The following DCAF1 variants were observed in gnomAD, a reference collection of about 807,000 sequenced individuals.
The protein encoded by DCAF1 is DDB1- and CUL4-associated factor 1.
Under a neutral mutation model 128.0 loss-of-function variants are expected in DCAF1, and 15 were observed. That is an observed-to-expected ratio of 0.12 (90% CI 0.08 to 0.18). DCAF1 has a LOEUF of 0.18. DCAF1 is among the 10% of genes least tolerant of loss of function. The pLI, the probability that DCAF1 is intolerant of heterozygous loss-of-function variation, is 1.00. For missense variants in DCAF1, 988 were observed against 1,649.5 expected, an observed-to-expected ratio of 0.60 and a Z score of 6.95; for synonymous variants, 610 against 603.0, an observed-to-expected ratio of 1.01 and a Z score of -0.17.
Position 51,418,667 on chromosome 3 carries a change from G to C in DCAF1, c.3435+11C>G. ...AGAATGACTGAGAGCATCCTAGGAA[G>C]GAACCCTTACCCTGGAAGGTTCAAG... On this transcript the variant is annotated intron_variant, in intron 16 of 24. Coordinates refer to ENST00000684031, the MANE Select transcript of DCAF1 (RefSeq NM_001387579.1). 3.1e-6 allele frequency: 5 copies of C among 1,602,796 alleles called. No homozygotes were observed. Among genetic ancestry groups the C allele is most frequent in the Non-Finnish European group, 4.3e-6 (5 of 1,174,368 alleles).
chr3:51,496,321 G>A (rs1553660942), intron 2 of DCAF1, among the ~76,000 whole-genome samples: 3 of 152,058 alleles, frequency 2.0e-5, no homozygotes, highest in Admixed American at 1.3e-4. Context: ...CAGCTGCTCC[G>A]GAGGCTGAGG....
Position 51,420,734 on chromosome 3 carries a change from T to C in DCAF1, c.2236A>G (p.Met746Val). 1 of 1,614,056 alleles carries C rather than the reference T, an allele frequency of 6.2e-7. No homozygotes were observed. The highest frequency in any genetic ancestry group is 8.5e-7 in the Non-Finnish European group (1 of 1,179,906). ...ATTTGGTCTGCATCTGTGATGGGCA[T>C]CTTAATGGACAGTAAGGACAGGAGC... Reference protein sequence around the residue: ...KVLLSLLSIKMPITDADQIRA... With the variant: ...KVLLSLLSIKVPITDADQIRA... Residue 746 changes from methionine to valine, a missense_variant, in exon 15 of 25, where the codon ATG (methionine) becomes GTG (valine). By Grantham distance (21) the Met-to-Val change is conservative. Around this residue, in one of 11 missense-constraint regions of DCAF1, gnomAD observed 76 missense variants for 186.9 expected, o/e 0.41. Transcript: ENST00000684031. The surrounding 1 kb of genome is among the most constrained non-coding windows in gnomAD (Gnocchi z 6.5).
intron 4 of DCAF1, among the ~76,000 whole-genome samples, chr3:51,468,042 C>G (rs1704323191): frequency 6.6e-6 from 1 of 152,144 alleles, no homozygotes; most frequent in African/African-American, 2.4e-5. Flanking sequence ...ATCACTAACC[C>G]TAAAGATACA....
intron 7 of DCAF1, among the ~76,000 whole-genome samples, chr3:51,443,105 G>A (rs564992917): frequency 2.0e-5 from 3 of 152,268 alleles, no homozygotes; most frequent in African/African-American, 4.8e-5. Flanking sequence ...GGAAAAAAAA[G>A]GGCAGATGGA....
At chr3:51,397,063 G>C (rs1032582783), downstream of DCAF1, 4 of 167,066 alleles carry the variant, frequency 2.4e-5, no homozygotes, top group African/African-American at 9.7e-5. Flanking sequence ...CCTGCCCCTG[G>C]AGAGTTTTAG....
At chr3:51,430,388 T>C (rs1334038153) in intron 10 of DCAF1, among the ~76,000 whole-genome samples, 176 bp from the exon 11 acceptor site, 1 of 152,202 alleles carries the variant, frequency 6.6e-6, no homozygotes, top group Non-Finnish European at 1.5e-5. Flanking sequence ...ACACGATCCA[T>C]TCCAAACCTG....
At position 51,467,538 on chromosome 3, in the gene DCAF1, T is replaced by C. The variant is rs559394297; in HGVS notation, c.188-662A>G. Among the ~76,000 whole-genome samples, 4 of 151,934 alleles carry C rather than the reference T, an allele frequency of 2.6e-5. No homozygotes were observed. The South Asian group carries it at 8.3e-4, about 32-fold the overall frequency. ...GGGAGAGGGACAGCATTAGGAGATA[T>C]ACCTAATGCAAATGACGAGTTAATG... is the stretch of plus-strand genomic sequence containing the variant. On this transcript the variant is annotated intron_variant, in intron 4 of 24. Transcript: ENST00000684031.
At position 51,422,403 on chromosome 3, in the gene DCAF1, C is replaced by T. The variant is rs1553632801; in HGVS notation, c.1876G>A (p.Val626Ile). The T allele has an allele frequency of 1.4e-6, 1 of 730,484 alleles. No homozygotes were observed. The allele number at this position is 730,484 out of a possible 1,614,324, so 45.3% of individuals were successfully genotyped here. ...GGCACCACAGTAAGAATAGCCAGGACATCCAAAGCAAAGCGCACAGTGTCA... is the reference window on the plus strand; with the variant it reads ...GGCACCACAGTAAGAATAGCCAGGATATCCAAAGCAAAGCGCACAGTGTCA... ...RNDTVRFALD[V>I]LAILTVVPKI... Residue 626 changes from valine (V) to isoleucine (I), a missense_variant, in exon 14 of 25, where the codon GTC (valine) becomes ATC (isoleucine). By Grantham distance (29) the Val-to-Ile change is conservative. Coordinates refer to ENST00000684031, the MANE Select transcript of DCAF1 (RefSeq NM_001387579.1).
intron 5 of DCAF1, among the ~76,000 whole-genome samples, chr3:51,466,254 T>G (rs1704116531): frequency 6.6e-6 from 1 of 152,046 alleles, no homozygotes; most frequent in Non-Finnish European, 1.5e-5. Flanking sequence ...TGAAGAGGCT[T>G]AAGTCTGTCA....
At chr3:51,504,177 C>T (rs1184622873), upstream of DCAF1, among the ~76,000 whole-genome samples, 1 of 151,718 alleles carries the variant, frequency 6.6e-6, no homozygotes, top group African/African-American at 2.4e-5. Flanking sequence ...GCTGGGACTA[C>T]AGGCGCCCGC....
At chr3:51,498,917 C>T (rs571305926) in intron 1 of DCAF1, among the ~76,000 whole-genome samples, 27 of 152,042 alleles carry the variant, frequency 1.8e-4, no homozygotes, top group Non-Finnish European at 3.2e-4. Context: ...TGTACATTAA[C>T]GATGCATTTT....
chr3:51,397,171 A>C (rs2089255130), downstream of DCAF1: 1 of 167,248 alleles, frequency 6.0e-6, no homozygotes, highest in East Asian at 1.9e-4. Context: ...CCTATGTAAC[A>C]AACTGAGCAG....
chr3:51,397,119 T>G (rs544385518), downstream of DCAF1: 1 of 167,258 alleles, frequency 6.0e-6, no homozygotes, highest in East Asian at 1.9e-4. Context: ...TTGTCCCCTC[T>G]TCTCTCTGTT....
chr3:51,438,967 T>C (rs369700921), intron 9 of DCAF1, among the ~76,000 whole-genome samples: 1 of 152,202 alleles, frequency 6.6e-6, no homozygotes, highest in Non-Finnish European at 1.5e-5. Flanking sequence ...CTCTCAACAG[T>C]TACCTATTGA....
At chr3:51,502,633 C>T (rs1224662521), upstream of DCAF1, among the ~76,000 whole-genome samples, 1 of 151,834 alleles carries the variant, frequency 6.6e-6, no homozygotes, top group African/African-American at 2.4e-5. Context: ...GAGCAAGAAG[C>T]ATTAAGAAGG....
At chr3:51,479,583 T>A (rs1553652024) in intron 3 of DCAF1, among the ~76,000 whole-genome samples, 1 of 151,436 alleles carries the variant, frequency 6.6e-6, no homozygotes, top group African/African-American at 2.4e-5. Context: ...GGGCAGGAGA[T>A]CGAGACCATC....
chr3:51,505,275 AT>A, the DCAF1 span, among the ~76,000 whole-genome samples: 1 of 151,890 alleles, frequency 6.6e-6, no homozygotes, highest in Non-Finnish European at 1.5e-5. Flanking sequence ...AAAAATAATA[AT>A]AATAAAAATA....
intron 3 of DCAF1, among the ~76,000 whole-genome samples, chr3:51,477,509 C>G (rs1432015233): frequency 1.3e-5 from 2 of 151,674 alleles, no homozygotes; most frequent in African/African-American, 2.4e-5. Context: ...TAGCATGCAC[C>G]CCAGCCACTC....
intron 16 of DCAF1, 26 bp from the exon 17 acceptor site, chr3:51,418,224 T>A: frequency 6.3e-7 from 1 of 1,593,026 alleles, no homozygotes; most frequent in Non-Finnish European, 8.5e-7. Context: ...GCAAGGTGGG[T>A]AACCACGTAT....
Sources: gnomAD v4.1 joint callset for allele counts (sites outside exome capture counted in the v4.1 genomes callset) on GRCh38, gnomAD v4.1.1 for gene constraint, gnomAD v4.1.1 regional missense constraint, Gnocchi (gnomAD v3.1) non-coding constraint, MANE v1.5 for transcripts, NCBI Gene and HGNC (gene_info 2026-07-23, HGNC 2026-07-21) for gene names.